RABGAP1L: variants seen among roughly 807,000 people sequenced by gnomAD.
RABGAP1L encodes the protein rab GTPase-activating protein 1-like.
In RABGAP1L, 63 loss-of-function variants were observed where a neutral mutation model predicts 137.7. That is an observed-to-expected ratio of 0.46 (90% confidence interval 0.37 to 0.56). The LOEUF (loss-of-function observed/expected upper bound fraction) is 0.56, where lower values mean the gene tolerates loss of function less well. Ranked by LOEUF, RABGAP1L falls within the 20% of genes least tolerant of loss-of-function variation. The pLI is 0.00. For missense variants in RABGAP1L, 1,095 were observed against 1,244.0 expected (o/e 0.88, Z 1.80); for synonymous variants, 431 against 433.7 (o/e 0.99, Z 0.08).
At chr1:174,929,018 A>G (rs1193858427) in intron 19 of RABGAP1L, among the ~76,000 whole-genome samples, 5 of 152,004 alleles carry the variant, frequency 3.3e-5, no homozygotes, top group Admixed American at 2.0e-4. Context: ...TTGAACAATG[A>G]TAACACTTGG....
At chr1:174,946,954 G>A (rs1325750297) in intron 19 of RABGAP1L, among the ~76,000 whole-genome samples, 5 of 117,636 alleles carry the variant, frequency 4.3e-5, no homozygotes, top group East Asian at 4.5e-4. Flanking sequence ...GTGTGTGTGT[G>A]TGTGTGTGTG....
At chr1:174,830,832 A>T (rs1216732912) in intron 19 of RABGAP1L, among the ~76,000 whole-genome samples, 1 of 148,170 alleles carries the variant, frequency 6.7e-6, no homozygotes, top group Non-Finnish European at 1.5e-5. Context: ...GAATGAGTGA[A>T]CCTGGCATCA....
intron 1 of RABGAP1L, among the ~76,000 whole-genome samples, chr1:174,196,511 G>A (rs547947829): frequency 3.3e-5 from 5 of 151,300 alleles, no homozygotes; most frequent in Non-Finnish European, 7.4e-5. Flanking sequence ...GGCGTGAGCA[G>A]CATTTATATT....
chr1:174,233,065 T>G lies in RABGAP1L; in HGVS notation c.542+1710T>G, dbSNP rs573386575. Among the ~76,000 whole-genome samples the G allele has an allele frequency of 2.6e-5, 4 of 152,250 alleles. No individual in the cohort carries two copies. In the South Asian group the frequency reaches 8.3e-4, roughly 32 times the overall value. ...TGTCTGGTGAGGGCCTGCTTCCTGG[T>G]TCATGTGTTCTTACATGGTGGAAGA... On this transcript the variant is annotated intron_variant, in intron 4 of 25. Coordinates refer to ENST00000681986, the MANE Select transcript of RABGAP1L (RefSeq NM_001366446.1).
intron 13 of RABGAP1L, among the ~76,000 whole-genome samples, chr1:174,603,903 C>T (rs575048058): frequency 3.1e-4 from 47 of 151,960 alleles, no homozygotes; most frequent in Non-Finnish European, 5.4e-4. Flanking sequence ...TCTACTGTGG[C>T]TAAGCTGGTG....
At chr1:174,675,842 A>G (rs1026115749) in intron 14 of RABGAP1L, among the ~76,000 whole-genome samples, 1 of 152,198 alleles carries the variant, frequency 6.6e-6, no homozygotes, top group Non-Finnish European at 1.5e-5. Context: ...TGAAACAAGA[A>G]ACGTTTTTGA....
At chr1:174,689,921 C>G (rs1678756496) in intron 15 of RABGAP1L, among the ~76,000 whole-genome samples, 1 of 152,182 alleles carries the variant, frequency 6.6e-6, no homozygotes, top group South Asian at 2.1e-4. Flanking sequence ...GATATACTTA[C>G]TACAAGATTT....
intron 13 of RABGAP1L, among the ~76,000 whole-genome samples, chr1:174,576,288 A>G (rs1024755060): frequency 1.3e-5 from 2 of 152,190 alleles, no homozygotes; most frequent in African/African-American, 4.8e-5. Flanking sequence ...TCTTATCCAC[A>G]TGAACAGGCG....
At chr1:174,339,608 T>C (rs1466863356) in intron 11 of RABGAP1L, among the ~76,000 whole-genome samples, 1 of 148,122 alleles carries the variant, frequency 6.8e-6, no homozygotes, top group African/African-American at 2.4e-5. Flanking sequence ...GGCAATTTTA[T>C]CTAATTTTTT....
chr1:174,495,948 G>A (rs1444679378), intron 13 of RABGAP1L, among the ~76,000 whole-genome samples: 1 of 152,070 alleles, frequency 6.6e-6, no homozygotes, highest in Non-Finnish European at 1.5e-5. Context: ...TCGAACCCTG[G>A]ACACAAGCAT....
At chr1:174,533,827 C>T (rs1366184264) in intron 13 of RABGAP1L, among the ~76,000 whole-genome samples, 2 of 152,012 alleles carry the variant, frequency 1.3e-5, no homozygotes, top group Non-Finnish European at 2.9e-5. Context: ...CCCGCCACCA[C>T]ACCCAGCAAA....
At chr1:174,440,637 G>A (rs779563734) in intron 13 of RABGAP1L, among the ~76,000 whole-genome samples, 9 of 151,974 alleles carry the variant, frequency 5.9e-5, no homozygotes, top group East Asian at 3.9e-4. Flanking sequence ...GCACGGTGGC[G>A]TGATCTCTGC....
intron 14 of RABGAP1L, among the ~76,000 whole-genome samples, chr1:174,656,287 G>A (rs753070263): frequency 6.6e-5 from 10 of 152,016 alleles, no homozygotes; most frequent in African/African-American, 9.7e-5. Flanking sequence ...GTGAAACTCC[G>A]TCTCTACTAA....
chr1:174,772,287 G>A (rs1193647708), intron 18 of RABGAP1L, among the ~76,000 whole-genome samples: 1 of 151,620 alleles, frequency 6.6e-6, no homozygotes, highest in Admixed American at 6.6e-5. Flanking sequence ...AACATAAAAT[G>A]TACAATTTTG....
intron 11 of RABGAP1L, among the ~76,000 whole-genome samples, chr1:174,320,913 G>A (rs1679908647): frequency 1.3e-5 from 2 of 152,136 alleles, no homozygotes; most frequent in Admixed American, 1.3e-4. Context: ...AGGGAACAAG[G>A]GAGATAACCA....
chr1:174,543,003 T>C (rs1665617324), intron 13 of RABGAP1L, among the ~76,000 whole-genome samples: 1 of 152,194 alleles, frequency 6.6e-6, no homozygotes, highest in African/African-American at 2.4e-5. Context: ...AGAGGAGTGC[T>C]TTGCTTCCAA....
chr1:174,384,366 T>C (rs1411117960), intron 12 of RABGAP1L, among the ~76,000 whole-genome samples: 1 of 152,138 alleles, frequency 6.6e-6, no homozygotes, highest in African/African-American at 2.4e-5. Context: ...CCTATGTGCA[T>C]TTGTCAAATC....
intron 10 of RABGAP1L, among the ~76,000 whole-genome samples, chr1:174,286,151 G>A (rs1352356742): frequency 6.6e-6 from 1 of 152,086 alleles, no homozygotes; most frequent in African/African-American, 2.4e-5. Flanking sequence ...GTGAAGGATT[G>A]GCATTAAATG....
chr1:174,699,433 T>G, intron 15 of RABGAP1L, 92 bp from the exon 16 acceptor site: 1 of 1,212,670 alleles, frequency 8.2e-7, no homozygotes, highest in Non-Finnish European at 1.1e-6. Context: ...CTTCAGCTAC[T>G]TATGCAGAGG....
Sources: gnomAD v4.1 joint callset for allele counts (sites outside exome capture counted in the v4.1 genomes callset) on GRCh38, gnomAD v4.1.1 for gene constraint, MANE v1.5 for transcripts, NCBI Gene and HGNC (gene_info 2026-07-23, HGNC 2026-07-21) for gene names.